The following ZFAND3 variants were observed in gnomAD, a reference collection of about 807,000 sequenced individuals.
ZFAND3 encodes zinc finger AN1-type containing 3.
ZFAND3 carries 10 observed loss-of-function variants against 29.6 expected under a neutral mutation model. That is an observed-to-expected ratio of 0.34 (90% CI 0.21 to 0.57). The LOEUF (loss-of-function observed/expected upper bound fraction) is 0.57, where lower values mean the gene tolerates loss of function less well. Ranked by LOEUF, ZFAND3 falls within the 20% of genes least tolerant of loss-of-function variation. The pLI is 0.86. For missense variants in ZFAND3, 230 were observed against 304.5 expected (o/e 0.76, Z 1.82); for synonymous variants, 128 against 112.6 (o/e 1.14, Z -0.87).
At chr6:38,115,952 G>T (rs1192618680) in intron 4 of ZFAND3, among the ~76,000 whole-genome samples, 1 of 152,182 alleles carries the variant, frequency 6.6e-6, no homozygotes, top group East Asian at 1.9e-4. Context: ...GCTTGCATGT[G>T]TACCAGCAGA....
intron 2 of ZFAND3, among the ~76,000 whole-genome samples, chr6:38,047,809 C>G (rs1218181305): frequency 6.6e-6 from 1 of 152,098 alleles, no homozygotes; most frequent in Non-Finnish European, 1.5e-5. Context: ...CTGCTGTCTA[C>G]CCTCAGTAGA....
chr6:37,892,034 A>T (rs191765328), intron 1 of ZFAND3, among the ~76,000 whole-genome samples: 51 of 152,284 alleles, frequency 3.3e-4, no homozygotes, highest in Non-Finnish European at 5.7e-4. Flanking sequence ...CGGCCAAAGT[A>T]TACATTATTC....
intron 1 of ZFAND3, among the ~76,000 whole-genome samples, chr6:37,820,782 C>T (rs979118559): frequency 6.6e-6 from 1 of 152,136 alleles, no homozygotes; most frequent in African/African-American, 2.4e-5. Flanking sequence ...AAAATGTTGA[C>T]AGTGGGTAGC....
intron 2 of ZFAND3, among the ~76,000 whole-genome samples, chr6:37,986,967 A>T (rs191368424): frequency 1.8e-4 from 28 of 152,360 alleles, no homozygotes; most frequent in African/African-American, 6.5e-4. Context: ...GGACTCATTC[A>T]GATAGCCCAC....
chr6:38,073,336 G>GAAA (rs569460054), intron 3 of ZFAND3, among the ~76,000 whole-genome samples: 3 of 117,938 alleles, frequency 2.5e-5, no homozygotes, highest in Admixed American at 1.7e-4. Flanking sequence ...AACTATGTTT[G>GAAA]AAAAAAAAAA....
chr6:38,128,113 C>T (rs375563175), intron 5 of ZFAND3, among the ~76,000 whole-genome samples: 1 of 152,174 alleles, frequency 6.6e-6, no homozygotes, highest in Non-Finnish European at 1.5e-5. Context: ...GGCAAACACA[C>T]GCACACGCAT....
intron 5 of ZFAND3, among the ~76,000 whole-genome samples, chr6:38,134,552 G>A (rs928620243): frequency 6.6e-6 from 1 of 152,148 alleles, no homozygotes; most frequent in African/African-American, 2.4e-5. Context: ...GACTCCTTGA[G>A]CTTGATAGCT....
chr6:38,020,493 A>G (rs1054541060), intron 2 of ZFAND3, among the ~76,000 whole-genome samples: 1 of 152,218 alleles, frequency 6.6e-6, no homozygotes, highest in South Asian at 2.1e-4. Context: ...TATTTATTGC[A>G]TTATTTATAA....
At chr6:38,029,976 A>G (rs7758732) in intron 2 of ZFAND3, among the ~76,000 whole-genome samples, 2,773 of 97,248 alleles carry the variant, frequency 0.029, 87 homozygotes, top group African/African-American at 0.1. Context: ...GTGTAGATCC[A>G]TGATTCTGTC....
At chr6:38,106,106 G>A (rs1165945556) in intron 4 of ZFAND3, among the ~76,000 whole-genome samples, 1 of 151,928 alleles carries the variant, frequency 6.6e-6, no homozygotes. Context: ...ATGGTTTTTG[G>A]TAAAGAGAAG....
chr6:38,142,132 C>T (rs1197508414), intron 5 of ZFAND3: 4 of 462,594 alleles, frequency 8.6e-6, no homozygotes, highest in Admixed American at 2.4e-5. Context: ...GCTGTGGAAG[C>T]AGGGTTGAAA....
intron 4 of ZFAND3, among the ~76,000 whole-genome samples, chr6:38,095,743 T>C (rs928726132): frequency 1.3e-5 from 2 of 152,186 alleles, no homozygotes; most frequent in Non-Finnish European, 2.9e-5. Context: ...TGAAAGTCAT[T>C]GCTTCAGCCA....
At chr6:37,855,468 TC>T (rs1764365144) in intron 1 of ZFAND3, among the ~76,000 whole-genome samples, 2 of 152,078 alleles carry the variant, frequency 1.3e-5, no homozygotes, top group Admixed American at 6.5e-5. Context: ...GAAATTTGTG[TC>T]CATAATTTAG....
At chr6:37,940,958 T>G (rs1761800758) in intron 2 of ZFAND3, among the ~76,000 whole-genome samples, 1 of 152,228 alleles carries the variant, frequency 6.6e-6, no homozygotes, top group Admixed American at 6.5e-5. Context: ...TTTTGTTTGT[T>G]TTTGTTTTTA....
chr6:37,996,259 A>G (rs545070218), intron 2 of ZFAND3, among the ~76,000 whole-genome samples: 23 of 152,332 alleles, frequency 1.5e-4, no homozygotes, highest in Admixed American at 1.2e-3. Flanking sequence ...CTGCTGTAAG[A>G]TTATATTGAT....
chr6:37,909,531 T>G (rs575641394), intron 1 of ZFAND3, among the ~76,000 whole-genome samples: 1 of 152,050 alleles, frequency 6.6e-6, no homozygotes, highest in Admixed American at 6.5e-5. Flanking sequence ...CCACCTGCCC[T>G]TGGCCTCTCA....
intron 2 of ZFAND3, among the ~76,000 whole-genome samples, chr6:37,953,782 TTAAG>T (rs1164502149): frequency 6.6e-6 from 1 of 152,176 alleles, no homozygotes; most frequent in Non-Finnish European, 1.5e-5. Context: ...AGAGATTTAA[TTAAG>T]AAGATATCAT....
chr6:38,055,921 T>G (rs1351626067), intron 2 of ZFAND3, among the ~76,000 whole-genome samples: 1 of 152,228 alleles, frequency 6.6e-6, no homozygotes, highest in Admixed American at 6.5e-5. Flanking sequence ...TTTATCCAGT[T>G]AATGTTTATT....
intron 4 of ZFAND3, among the ~76,000 whole-genome samples, chr6:38,108,640 C>T (rs1364381082): frequency 6.6e-6 from 1 of 152,228 alleles, no homozygotes; most frequent in Non-Finnish European, 1.5e-5. Context: ...ATCCCACCTT[C>T]TTCCTCCTGC....
Sources: gnomAD v4.1 joint callset for allele counts (sites outside exome capture counted in the v4.1 genomes callset) on GRCh38, gnomAD v4.1.1 for gene constraint, MANE v1.5 for transcripts, NCBI Gene and HGNC (gene_info 2026-07-23, HGNC 2026-07-21) for gene names.